Variants in COL19A1 observed in about 807,000 individuals in gnomAD.
COL19A1 encodes the protein collagen alpha-1(XIX) chain.
In COL19A1, 159 loss-of-function variants were observed where a neutral mutation model predicts 190.2. The observed-to-expected ratio is 0.84, with a 90% CI of 0.73 to 0.95. The LOEUF is 0.95. Among genes scored for constraint, COL19A1 ranks in the 40% least tolerant of loss-of-function variants. COL19A1 has a pLI of 0.00. For synonymous variants in COL19A1, 509 were observed against 458.9 expected (o/e 1.11, Z -1.39); for missense variants, 1,418 against 1,431.9 (o/e 0.99, Z 0.16).
chr6:70,113,852 T>C (rs1784415263), intron 16 of COL19A1, among the ~76,000 whole-genome samples: 1 of 143,750 alleles, frequency 7.0e-6, no homozygotes, highest in East Asian at 2.0e-4. Flanking sequence ...CTTTTTTTTT[T>C]TTTTTTTTTT....
chr6:69,975,608 A>T (rs1397889221), intron 11 of COL19A1, among the ~76,000 whole-genome samples: 2 of 152,182 alleles, frequency 1.3e-5, no homozygotes, highest in African/African-American at 4.8e-5. Context: ...TATTCTGGGG[A>T]TTTAAGCCTG....
At chr6:70,057,477 C>G (rs961767819) in intron 14 of COL19A1, among the ~76,000 whole-genome samples, 2 of 151,682 alleles carry the variant, frequency 1.3e-5, no homozygotes. Context: ...GCTAGTAAAC[C>G]CAGAATAATT....
intron 41 of COL19A1, among the ~76,000 whole-genome samples, chr6:70,173,543 G>T (rs925936427): frequency 6.6e-6 from 1 of 152,172 alleles, no homozygotes; most frequent in Admixed American, 6.5e-5. Flanking sequence ...ACTGCAAATA[G>T]GTCAAGTACA....
chr6:70,109,860 G>A (rs1418889401), intron 16 of COL19A1, among the ~76,000 whole-genome samples: 1 of 152,060 alleles, frequency 6.6e-6, no homozygotes, highest in Non-Finnish European at 1.5e-5. Flanking sequence ...AGCTAAATCT[G>A]ATGTTTCCTT....
intron 9 of COL19A1, among the ~76,000 whole-genome samples, chr6:69,945,722 G>T (rs1309571077): frequency 1.3e-5 from 2 of 151,762 alleles, no homozygotes; most frequent in Non-Finnish European, 2.9e-5. Flanking sequence ...TAATCTACAG[G>T]AATTCACTTG....
chr6:69,867,892 A>G (rs1767575400), intron 1 of COL19A1, among the ~76,000 whole-genome samples: 1 of 152,044 alleles, frequency 6.6e-6, no homozygotes, highest in African/African-American at 2.4e-5. Context: ...CAAGAGAGTG[A>G]TCATCGGCCA....
intron 41 of COL19A1, among the ~76,000 whole-genome samples, chr6:70,172,556 T>C (rs915756012): frequency 6.6e-6 from 1 of 152,134 alleles, no homozygotes; most frequent in Non-Finnish European, 1.5e-5. Context: ...AGTGCCAGTC[T>C]GCAGACCCTT....
At position 70,017,347 on chromosome 6, in the gene COL19A1, A is replaced by C. The variant is rs184013199; in HGVS notation, c.1027-6280A>C. On this transcript the variant is annotated intron_variant, in intron 11 of 50. Transcript: ENST00000620364. ...ACAAGAGTGAGAAGCAGTTGACTAC[A>C]AATGGGCACAAGGAAACTTTTTTAG... Among the ~76,000 whole-genome samples the C allele has an allele frequency of 8.0e-4, 122 of 152,262 alleles. 1 individual carries two copies. The highest frequency in any genetic ancestry group is 2.8e-3 in the African/African-American group (117 of 41,572).
chr6:70,178,929 G>A (rs1173658441), intron 42 of COL19A1, among the ~76,000 whole-genome samples: 2 of 152,132 alleles, frequency 1.3e-5, no homozygotes, highest in Non-Finnish European at 1.5e-5. Context: ...GCTCTCCCCC[G>A]GATGCTCTGA....
chr6:70,120,889 T>G (rs1004082554), intron 16 of COL19A1, among the ~76,000 whole-genome samples: 1 of 152,202 alleles, frequency 6.6e-6, no homozygotes, highest in African/African-American at 2.4e-5. Flanking sequence ...CCTGCATCAG[T>G]GAGTGCAGCT....
intron 34 of COL19A1, among the ~76,000 whole-genome samples, chr6:70,161,021 T>C (rs1194575471): frequency 6.6e-6 from 1 of 152,178 alleles, no homozygotes; most frequent in Non-Finnish European, 1.5e-5. Flanking sequence ...ATAAGTTAGC[T>C]AATCTTACCA....
At chr6:69,883,207 G>A (rs1452866428) in intron 2 of COL19A1, among the ~76,000 whole-genome samples, 10 of 152,200 alleles carry the variant, frequency 6.6e-5, no homozygotes, top group Non-Finnish European at 1.5e-4. Context: ...AAGTGAATGA[G>A]GGGGAGGAGG....
At chr6:70,122,073 A>G in intron 17 of COL19A1, 131 bp downstream of exon 17, 3 of 546,916 alleles carry the variant, frequency 5.5e-6, no homozygotes, top group Non-Finnish European at 6.3e-6. Context: ...ACATCTTTCC[A>G]TACTGAAAGC....
chr6:69,878,147 T>G (rs1768258805), intron 1 of COL19A1, among the ~76,000 whole-genome samples: 1 of 151,938 alleles, frequency 6.6e-6, no homozygotes, highest in African/African-American at 2.4e-5. Context: ...GCAAATCAAA[T>G]GCACAGTGAG....
chr6:70,136,346 T>G (rs1785871859), intron 18 of COL19A1, among the ~76,000 whole-genome samples: 1 of 152,168 alleles, frequency 6.6e-6, no homozygotes, highest in South Asian at 2.1e-4. Context: ...AGATGTTCAC[T>G]GCAGCCTTGT....
intron 12 of COL19A1, among the ~76,000 whole-genome samples, chr6:70,027,058 T>TTTTGA (rs1223719653): frequency 1.3e-5 from 2 of 152,132 alleles, no homozygotes; most frequent in African/African-American, 4.8e-5. Context: ...ATAATGGCTA[T>TTTTGA]TTTGATTTGA....
intron 2 of COL19A1, among the ~76,000 whole-genome samples, chr6:69,881,953 G>C (rs562352501): frequency 3.3e-5 from 5 of 152,306 alleles, no homozygotes; most frequent in East Asian, 1.9e-4. Context: ...ACAGCGCAAG[G>C]TTCCCTTTTT....
At chr6:69,900,431 C>A in intron 4 of COL19A1, 93 bp downstream of exon 4, 1 of 663,170 alleles carries the variant, frequency 1.5e-6, no homozygotes, top group Non-Finnish European at 2.4e-6. Flanking sequence ...AATAAAGTTT[C>A]TCAATAGCAT....
chr6:69,925,056 G>A (rs1396035691), intron 4 of COL19A1, among the ~76,000 whole-genome samples: 1 of 152,150 alleles, frequency 6.6e-6, no homozygotes, highest in Non-Finnish European at 1.5e-5. Flanking sequence ...TCTGATGGTA[G>A]TTTCTTTTGC....
Sources: gnomAD v4.1 joint callset for allele counts (sites outside exome capture counted in the v4.1 genomes callset) on GRCh38, gnomAD v4.1.1 for gene constraint, MANE v1.5 for transcripts, NCBI Gene and HGNC (gene_info 2026-07-23, HGNC 2026-07-21) for gene names.